The following PCDHGA7 variants were observed in gnomAD, a reference collection of about 807,000 sequenced individuals.
PCDHGA7 encodes protocadherin gamma subfamily A, 7.
Under a neutral mutation model 58.3 loss-of-function variants are expected in PCDHGA7, and 44 were observed. The observed-to-expected ratio is 0.75, with a 90% CI of 0.59 to 0.97. PCDHGA7 has a LOEUF of 0.97. Ranked by LOEUF, PCDHGA7 falls within the 50% of genes least tolerant of loss-of-function variation. The probability of loss-of-function intolerance (pLI) is 0.00; values close to 1 mark genes in which losing one functional copy is unlikely to be tolerated. For missense variants in PCDHGA7, 1,266 were observed against 1,188.7 expected (o/e 1.06, Z -0.96); for synonymous variants, 516 against 504.2 (o/e 1.02, Z -0.31).
In PCDHGA7 at chr5:141,489,088, G is replaced by GGCA; in HGVS notation, c.2425-5719_2425-5718insGCA. The GGCA allele has an allele frequency of 2.9e-6, 1 of 347,238 alleles. No individual in the cohort carries two copies. Among genetic ancestry groups the GGCA allele is most frequent in the Non-Finnish European group, 5.0e-6 (1 of 200,706 alleles). The allele number at this position is 347,238 out of a possible 1,614,324, so 21.5% of individuals were successfully genotyped here. A position where few individuals can be genotyped will look rare whatever the true frequency, so the allele number is the denominator to read the frequency against. The stretch of plus-strand genomic sequence containing the variant: ...CCCCTGCCCACCCCCGCCACTCGGT[G>GGCA]ACTAAGAACTGCTGCAAGCAGGCAA... On this transcript the variant is annotated intron_variant, in intron 1 of 3. Coordinates refer to ENST00000518325, the MANE Select transcript of PCDHGA7 (RefSeq NM_018920.4). This position sits in a 1 kb window ranked among gnomAD's most constrained non-coding sequence, Gnocchi z 4.5.
At position 141,403,020 on chromosome 5, in the gene PCDHGA7, T is replaced by A. The variant is rs761279674; in HGVS notation, c.2424+17697T>A. ...CTGCTATGCTCGCTCCTGGGGATGCTATGGGAGGCCAGGGCCAGTCAGATT... is the reference window on the plus strand; with the variant it reads ...CTGCTATGCTCGCTCCTGGGGATGCAATGGGAGGCCAGGGCCAGTCAGATT... On this transcript the variant is annotated intron_variant, in intron 1 of 3. Transcript: ENST00000518325. The A allele has an allele frequency of 8.1e-6, 13 of 1,614,034 alleles. 1 individual carries two copies. The South Asian group carries it at 1.4e-4, about 18-fold the overall frequency.
chr5:141,398,067 C>T, intron 1 of PCDHGA7: 1 of 1,577,626 alleles, frequency 6.3e-7, no homozygotes, highest in Non-Finnish European at 8.6e-7. Flanking sequence ...ATCTACAATA[C>T]AGAGGTTATT....
Position 141,491,197 on chromosome 5 carries a change from G to A in PCDHGA7, c.2425-3610G>A. Reference sequence around the variant, plus strand: ...GGTGGTCCTGGTGAGGGACAATGGTGACCCTTCACTCTCCTCCACAGCCAC... The same window carrying A: ...GGTGGTCCTGGTGAGGGACAATGGTAACCCTTCACTCTCCTCCACAGCCAC... On this transcript the variant is annotated intron_variant, in intron 1 of 3. Coordinates refer to ENST00000518325, the MANE Select transcript of PCDHGA7 (RefSeq NM_018920.4). The surrounding 1 kb of genome is among the most constrained non-coding windows in gnomAD (Gnocchi z 6.9). 6.2e-7 allele frequency: 1 copy of A among 1,614,190 alleles called. No individual in the cohort carries two copies. The highest frequency in any genetic ancestry group is 8.5e-7 in the Non-Finnish European group (1 of 1,180,024).
At chr5:141,508,823 G>A (rs1445894402) in intron 3 of PCDHGA7, among the ~76,000 whole-genome samples, 1 of 151,966 alleles carries the variant, frequency 6.6e-6, no homozygotes, top group Admixed American at 6.6e-5. Flanking sequence ...GCCAGATCTG[G>A]GCCCCCCTCC....
At chr5:141,507,474 C>T (rs774159694) in intron 3 of PCDHGA7, among the ~76,000 whole-genome samples, 2 of 152,196 alleles carry the variant, frequency 1.3e-5, no homozygotes, top group Non-Finnish European at 2.9e-5. Flanking sequence ...GCAGGGACTG[C>T]TGGCCTCCTG....
In PCDHGA7 at chr5:141,476,240, G is replaced by A. The variant is rs762604058; in HGVS notation, c.2425-18567G>A. On this transcript the variant is annotated intron_variant, in intron 1 of 3. Coordinates refer to ENST00000518325, the MANE Select transcript of PCDHGA7 (RefSeq NM_018920.4). This position sits in a 1 kb window ranked among gnomAD's most constrained non-coding sequence, Gnocchi z 7.6. ...TCACTATGAGATCCCGGAGGAAAGAGAGAAGGGTTTCGCTGTGGGCAACGT... is the reference window on the plus strand; with the variant it reads ...TCACTATGAGATCCCGGAGGAAAGAAAGAAGGGTTTCGCTGTGGGCAACGT... The A allele has an allele frequency of 4.3e-6, 7 of 1,613,986 alleles. No individual in the cohort carries two copies. The highest frequency in any genetic ancestry group is 1.7e-6 in the Non-Finnish European group (2 of 1,180,030).
intron 1 of PCDHGA7, chr5:141,400,367 C>A (rs372561902): frequency 6.8e-5 from 110 of 1,613,946 alleles, no homozygotes; most frequent in Non-Finnish European, 8.8e-5. Flanking sequence ...TTGCCTTATT[C>A]CTACAACCTA....
intron 1 of PCDHGA7, chr5:141,389,934 G>A (rs746045897): frequency 6.2e-7 from 1 of 1,614,064 alleles, no homozygotes; most frequent in East Asian, 2.2e-5. Flanking sequence ...TGACCTCCAG[G>A]CTGAGCTGCA....
chr5:141,432,586 C>G lies in PCDHGA7; in HGVS notation c.2424+47263C>G. 6.2e-7 allele frequency: 1 copy of G among 1,613,852 alleles called. No homozygotes were observed. The highest frequency in any genetic ancestry group is 8.5e-7 in the Non-Finnish European group (1 of 1,179,972). On this transcript the variant is annotated intron_variant, in intron 1 of 3. Transcript: ENST00000518325. The surrounding 1 kb of genome is among the most constrained non-coding windows in gnomAD (Gnocchi z 6.0). ...ACGCCTGGCTGTCCTACCGTCTGCT[C>G]AAGGCCAGCGAGCCGGGACTCTTCT...
chr5:141,444,044 T>C (rs188266846), intron 1 of PCDHGA7, among the ~76,000 whole-genome samples: 1 of 152,098 alleles, frequency 6.6e-6, no homozygotes, highest in East Asian at 1.9e-4. Flanking sequence ...ATCAGATAAT[T>C]TGGCATCTTC....
intron 1 of PCDHGA7, among the ~76,000 whole-genome samples, chr5:141,462,688 A>G (rs919098530): frequency 3.9e-5 from 6 of 152,126 alleles, no homozygotes; most frequent in African/African-American, 1.4e-4. Flanking sequence ...TTTTGAGCAC[A>G]TTTATAATGG....
Position 141,491,205 on chromosome 5 carries a change from A to G in PCDHGA7, c.2425-3602A>G, listed in dbSNP as rs2233609. 2,395 of 1,613,578 alleles carry G rather than the reference A, an allele frequency of 1.5e-3. 36 individuals are homozygous for G. The African/African-American group carries it at 0.028, about 19-fold the overall frequency. On this transcript the variant is annotated intron_variant, in intron 1 of 3. Coordinates refer to ENST00000518325, the MANE Select transcript of PCDHGA7 (RefSeq NM_018920.4). This position sits in a 1 kb window ranked among gnomAD's most constrained non-coding sequence, Gnocchi z 6.9. The stretch of plus-strand genomic sequence containing the variant: ...TGGTGAGGGACAATGGTGACCCTTC[A>G]CTCTCCTCCACAGCCACAGTGCTGC...
chr5:141,484,940 G>C, intron 1 of PCDHGA7: 1 of 541,138 alleles, frequency 1.8e-6, no homozygotes, highest in Non-Finnish European at 3.3e-6. Flanking sequence ...GACGTTCTCT[G>C]CTCAGCCTAT....
At chr5:141,389,984 C>A (rs1388496409) in intron 1 of PCDHGA7, 1 of 1,613,952 alleles carries the variant, frequency 6.2e-7, no homozygotes, top group East Asian at 2.2e-5. Flanking sequence ...TCTCAGTGCT[C>A]TTCCTCGTGG....
In PCDHGA7 at chr5:141,432,845, G is replaced by A. The variant is rs1299464282; in HGVS notation, c.2424+47522G>A. The A allele has an allele frequency of 1.2e-6, 2 of 1,614,076 alleles. No individual in the cohort carries two copies. The highest frequency in any genetic ancestry group is 8.5e-7 in the Non-Finnish European group (1 of 1,180,024). ...AGACCTCACTCTGTACCTGGTGGTA[G>A]CGGTGGCCGCGGTCTCCTGCGTCTT... On this transcript the variant is annotated intron_variant, in intron 1 of 3. Coordinates refer to ENST00000518325, the MANE Select transcript of PCDHGA7 (RefSeq NM_018920.4). This position sits in a 1 kb window ranked among gnomAD's most constrained non-coding sequence, Gnocchi z 6.0.
Position 141,485,302 on chromosome 5 carries a change from T to C in PCDHGA7, c.2425-9505T>C. 1.2e-6 allele frequency: 2 copies of C among 1,614,152 alleles called. No homozygotes were observed. Among genetic ancestry groups the C allele is most frequent in the South Asian group, 2.2e-5 (2 of 91,078 alleles). On this transcript the variant is annotated intron_variant, in intron 1 of 3. Coordinates refer to ENST00000518325, the MANE Select transcript of PCDHGA7 (RefSeq NM_018920.4). This position sits in a 1 kb window ranked among gnomAD's most constrained non-coding sequence, Gnocchi z 5.7. ...TCCCAGAGGAGTCACAGGAAGGGAC[T>C]TTTGTAGGGAATGTCGCTCAAGATT... is the stretch of plus-strand genomic sequence containing the variant.
intron 1 of PCDHGA7, chr5:141,408,803 G>T: frequency 6.2e-7 from 1 of 1,613,150 alleles, no homozygotes; most frequent in South Asian, 1.1e-5. Flanking sequence ...GAAACTCCTA[G>T]ACCGGGAAGA....
chr5:141,485,680 C>T lies in PCDHGA7; in HGVS notation c.2425-9127C>T. The T allele has an allele frequency of 6.2e-7, 1 of 1,613,966 alleles. No individual in the cohort carries two copies. Among genetic ancestry groups the T allele is most frequent in the South Asian group, 1.1e-5 (1 of 91,066 alleles). The stretch of plus-strand genomic sequence containing the variant: ...ATGTGGGGAGCAATTCGATTAGCAG[C>T]TATAGGCTGAGCTCCAATGAACACT... On this transcript the variant is annotated intron_variant, in intron 1 of 3. Coordinates refer to ENST00000518325, the MANE Select transcript of PCDHGA7 (RefSeq NM_018920.4). The surrounding 1 kb of genome is among the most constrained non-coding windows in gnomAD (Gnocchi z 5.7).
At chr5:141,482,530 C>CAAAAAAAAAAAA (rs3074545) in intron 1 of PCDHGA7, among the ~76,000 whole-genome samples, 11 of 76,552 alleles carry the variant, frequency 1.4e-4, no homozygotes, top group African/African-American at 2.9e-4. Flanking sequence ...GACAGACATG[C>CAAAAAAAAAAAA]AAAAAAAAAA....
Sources: gnomAD v4.1 joint callset for allele counts (sites outside exome capture counted in the v4.1 genomes callset) on GRCh38, gnomAD v4.1.1 for gene constraint, Gnocchi (gnomAD v3.1) non-coding constraint, MANE v1.5 for transcripts, NCBI Gene and HGNC (gene_info 2026-07-23, HGNC 2026-07-21) for gene names.